Variants in ERICH3 observed in about 807,000 individuals in gnomAD.
ERICH3 encodes glutamate rich 3, also known as glutamate-rich protein 3.
In ERICH3, 126 loss-of-function variants were observed where a neutral mutation model predicts 131.1. The ratio of observed to expected loss-of-function variants is 0.96; its 90% CI spans 0.83 to 1.11. The LOEUF (loss-of-function observed/expected upper bound fraction) is 1.11. ERICH3 is among the 50% of genes most tolerant of loss of function. ERICH3 has a pLI of 0.00. For missense variants in ERICH3, 2,050 were observed against 1,810.7 expected (o/e 1.13, Z -2.40); for synonymous variants, 695 against 644.6 (o/e 1.08, Z -1.18).
At chr1:74,646,889 G>GTC in intron 2 of ERICH3, 97 bp from the exon 3 acceptor site, 1 of 241,624 alleles carries the variant, frequency 4.1e-6, no homozygotes, top group African/African-American at 2.6e-5. Context: ...AAGACAGACA[G>GTC]ACACACACAC....
intron 12 of ERICH3, chr1:74,589,423 TATC>T (rs1647479349): frequency 3.4e-6 from 2 of 588,136 alleles, no homozygotes; most frequent in East Asian, 5.4e-5. Flanking sequence ...GGATAGAAAT[TATC>T]GAGTAATTTT....
intron 12 of ERICH3, chr1:74,579,262 AG>A (rs1280599586): frequency 6.8e-6 from 3 of 443,962 alleles, no homozygotes; most frequent in Non-Finnish European, 8.9e-6. Context: ...AAGACATCAA[AG>A]CTTTTTCCAA....
chr1:74,636,024 C>T lies in ERICH3; in HGVS notation c.603+256G>A, dbSNP rs74093480. Among the ~76,000 whole-genome samples, 1,092 of 152,226 alleles carry T rather than the reference C, an allele frequency of 7.2e-3. 11 individuals carry two copies. Among genetic ancestry groups the T allele is most frequent in the African/African-American group, 0.025 (1,029 of 41,534 alleles). ...GTTTTCCCCTTTGTTTTTCAATCAG[C>T]CTTGTAAACTAAGGAGAAATCACCA... On this transcript the variant is annotated intron_variant, in intron 6 of 14. Coordinates refer to ENST00000326665, the MANE Select transcript of ERICH3 (RefSeq NM_001002912.5).
intron 1 of ERICH3, among the ~76,000 whole-genome samples, chr1:74,661,209 T>A (rs887542281): frequency 6.6e-6 from 1 of 152,178 alleles, no homozygotes; most frequent in African/African-American, 2.4e-5. Context: ...GTTGACTAAA[T>A]TTTAAATGCT....
chr1:74,596,303 G>T (rs111908599), intron 11 of ERICH3, among the ~76,000 whole-genome samples: 54 of 151,712 alleles, frequency 3.6e-4, no homozygotes, highest in African/African-American at 1.3e-3. Context: ...TTCTCAAAAG[G>T]AGCTAGTTAG....
intron 12 of ERICH3, chr1:74,577,210 C>A: frequency 6.8e-6 from 2 of 292,216 alleles, no homozygotes; most frequent in Non-Finnish European, 6.2e-6. Flanking sequence ...TAGGGCCTGT[C>A]AACTACTTCT....
intron 13 of ERICH3, among the ~76,000 whole-genome samples, chr1:74,574,085 GTCT>G (rs1186710915): frequency 6.6e-6 from 1 of 150,834 alleles, no homozygotes; most frequent in African/African-American, 2.4e-5. Flanking sequence ...TGATTTCCTG[GTCT>G]CAAGCAATCT....
At chr1:74,615,733 G>A (rs1233370368) in intron 8 of ERICH3, among the ~76,000 whole-genome samples, 1 of 152,164 alleles carries the variant, frequency 6.6e-6, no homozygotes, top group Non-Finnish European at 1.5e-5. Context: ...TAGGTAATGG[G>A]AATCCATGCA....
At chr1:74,636,964 A>C (rs2100629764) in intron 5 of ERICH3, among the ~76,000 whole-genome samples, 1 of 152,320 alleles carries the variant, frequency 6.6e-6, no homozygotes, top group East Asian at 1.9e-4. Flanking sequence ...CAATTTATTC[A>C]ATGGCATCCT....
Position 74,620,859 on chromosome 1 carries a change from A to G in ERICH3, c.875T>C (p.Ile292Thr), listed in dbSNP as rs775650605. ...TAGGTGCACATTTTTCCCCAAATAG[A>G]TCATTGTAATAGCTGCATTACTATG... is the stretch of plus-strand genomic sequence containing the variant. ...SLHSNAAITM[I>T]YLGKNVHLSS... The change falls in exon 8 of 15, where the codon ATC becomes ACC. Residue 292 changes from isoleucine (I) to threonine (T), a missense_variant. By Grantham distance (89) the Ile-to-Thr change is moderately conservative. Coordinates refer to ENST00000326665, the MANE Select transcript of ERICH3 (RefSeq NM_001002912.5). 6 of 1,612,632 alleles carry G rather than the reference A, an allele frequency of 3.7e-6. No individual in the cohort carries two copies. In the South Asian group the frequency reaches 6.6e-5, roughly 18 times the overall value.
intron 7 of ERICH3, among the ~76,000 whole-genome samples, chr1:74,628,949 C>T (rs1326754205): frequency 6.6e-6 from 1 of 151,972 alleles, no homozygotes; most frequent in African/African-American, 2.4e-5. Flanking sequence ...AGACTAAACA[C>T]ATAAAAAGTC....
intron 13 of ERICH3, among the ~76,000 whole-genome samples, chr1:74,574,676 G>A (rs1465534230): frequency 6.6e-6 from 1 of 152,136 alleles, no homozygotes; most frequent in East Asian, 1.9e-4. Context: ...GGTAAACCTG[G>A]GTGCACAAGC....
intron 11 of ERICH3, chr1:74,591,806 A>G (rs1192271290): frequency 2.0e-5 from 3 of 152,176 alleles, no homozygotes; most frequent in African/African-American, 7.2e-5. Flanking sequence ...CAATAGGTCT[A>G]GGTCTGTAAT....
chr1:74,667,812 T>G (rs1024775604), intron 1 of ERICH3, among the ~76,000 whole-genome samples: 1 of 152,160 alleles, frequency 6.6e-6, no homozygotes, highest in Admixed American at 6.5e-5. Flanking sequence ...TTGATATCGT[T>G]TGGCTCTGTG....
At chr1:74,668,676 A>G (rs1646713884) in intron 1 of ERICH3, among the ~76,000 whole-genome samples, 1 of 152,204 alleles carries the variant, frequency 6.6e-6, no homozygotes, top group Non-Finnish European at 1.5e-5. Flanking sequence ...GTAAGAGAAG[A>G]AAAGACATAT....
At position 74,569,838 on chromosome 1, in the gene ERICH3, CT is replaced by C. The variant is rs1367542117; in HGVS notation, c.*619del. 1 of 152,148 alleles carries C rather than the reference CT, an allele frequency of 6.6e-6. No homozygotes were observed. The highest frequency in any genetic ancestry group is 1.5e-5 in the Non-Finnish European group (1 of 68,016). 9.4% of individuals were successfully genotyped at this position (152,148 alleles called of 1,614,324 possible). A position where few individuals can be genotyped will look rare whatever the true frequency, so the allele number is the denominator to read the frequency against. On this transcript the variant is annotated 3_prime_UTR_variant, in exon 15 of 15. Coordinates refer to ENST00000326665, the MANE Select transcript of ERICH3 (RefSeq NM_001002912.5). ...GAAATAAGATTTCCACTTTGTTATT[CT>C]GGCATAAATTAAAAGAATGAATATT... is the stretch of plus-strand genomic sequence containing the variant.
In ERICH3 at chr1:74,589,956, C is replaced by G. The variant is rs1647508739; in HGVS notation, c.1851G>C (p.Arg617Ser). The G allele has an allele frequency of 6.2e-7, 1 of 1,613,864 alleles. No individual in the cohort carries two copies. Among genetic ancestry groups the G allele is most frequent in the Admixed American group, 1.7e-5 (1 of 59,972 alleles). ...TDSSTDESAR[R>S]SSSQELSEND... ...TTTCACTCAGTTCCTGAGAAGATGA[C>G]CTTCTGGCACTTTCATCTGTGCTGC... Residue 617 changes from arginine to serine, a missense_variant, in exon 12 of 15, where the codon AGG (arginine) becomes AGC (serine). Physicochemically the swap from Arg to Ser is moderately radical, Grantham distance 110 (BLOSUM62 -1). Coordinates refer to ENST00000326665, the MANE Select transcript of ERICH3 (RefSeq NM_001002912.5).
At position 74,573,333 on chromosome 1, in the gene ERICH3, C is replaced by T. The variant is rs1646994375; in HGVS notation, c.2377G>A (p.Gly793Arg). 8.1e-6 allele frequency: 13 copies of T among 1,609,692 alleles called. No homozygotes were observed. The highest frequency in any genetic ancestry group is 1.1e-5 in the Non-Finnish European group (13 of 1,178,338). ...HRDADIVQGK[G>R]EAALWGEAGA... is the part of the protein sequence containing the mutation. The stretch of plus-strand genomic sequence containing the variant: ...GCTTCTCCCCACAGTGCTGCCTCCC[C>T]TTTTCCCTGTACTATGTCAGCATCT... The change falls in exon 14 of 15, where the codon GGG (glycine) becomes AGG (arginine). Residue 793 changes from glycine to arginine, a missense_variant. Transcript: ENST00000326665.
chr1:74,594,662 T>A (rs766711166), intron 11 of ERICH3, among the ~76,000 whole-genome samples: 2 of 152,104 alleles, frequency 1.3e-5, no homozygotes, highest in Non-Finnish European at 2.9e-5. Flanking sequence ...ACTGTACATG[T>A]TCATAAAGGT....
Sources: gnomAD v4.1 joint callset for allele counts (sites outside exome capture counted in the v4.1 genomes callset) on GRCh38, gnomAD v4.1.1 for gene constraint, MANE v1.5 for transcripts, NCBI Gene and HGNC (gene_info 2026-07-23, HGNC 2026-07-21) for gene names.